The following KPNA7 variants were observed in gnomAD, a reference collection of about 807,000 sequenced individuals.
The protein encoded by KPNA7 is karyopherin subunit alpha 7.
Under a neutral mutation model 53.7 loss-of-function variants are expected in KPNA7, and 54 were observed. That is an observed-to-expected ratio of 1.01 (90% CI 0.81 to 1.26). The LOEUF (loss-of-function observed/expected upper bound fraction) is 1.26, where lower values mean the gene tolerates loss of function less well. Ranked by LOEUF, KPNA7 falls within the 50% of genes most tolerant of loss-of-function variation. The pLI is 0.00. For synonymous variants in KPNA7, 276 were observed against 259.3 expected (o/e 1.06, Z -0.62); for missense variants, 640 against 644.5 (o/e 0.99, Z 0.07).
At chr7:99,205,300 A>ACCTGTAGTCCCAGCT (rs1790741466) in intron 2 of KPNA7, among the ~76,000 whole-genome samples, 1 of 137,566 alleles carries the variant, frequency 7.3e-6, no homozygotes, top group South Asian at 2.5e-4. Flanking sequence ...GGTGGTACAC[A>ACCTGTAGTCCCAGCT]CCATGGTAGG....
At chr7:99,213,429 T>TA (rs1362791839) in intron 1 of KPNA7, among the ~76,000 whole-genome samples, 2 of 85,498 alleles carry the variant, frequency 2.3e-5, no homozygotes, top group Non-Finnish European at 4.5e-5. Context: ...ACCTGGCCTT[T>TA]TAAAAAAAAA....
the KPNA7 span, among the ~76,000 whole-genome samples, chr7:99,147,787 A>T: frequency 1.1e-5 from 1 of 94,932 alleles, no homozygotes; most frequent in African/African-American, 4.1e-5. Flanking sequence ...GCAAGACTCT[A>T]TCTCAAAAAA....
the KPNA7 span, among the ~76,000 whole-genome samples, chr7:99,157,410 T>C: frequency 6.6e-6 from 1 of 152,146 alleles, no homozygotes; most frequent in African/African-American, 2.4e-5. Context: ...GGTTTCTCCA[T>C]GTTAGTCAGG....
At chr7:99,195,005 A>G in intron 5 of KPNA7, 65 bp downstream of exon 5, 1 of 1,501,762 alleles carries the variant, frequency 6.7e-7, no homozygotes, top group Middle Eastern at 1.7e-4. Flanking sequence ...CACCACCCAA[A>G]GAAACCTTAT....
chr7:99,211,374 A>G (rs1381810049), upstream of KPNA7, among the ~76,000 whole-genome samples: 1 of 152,220 alleles, frequency 6.6e-6, no homozygotes, highest in Non-Finnish European at 1.5e-5. Flanking sequence ...GTGAGCCTAG[A>G]TCAAGCCACT....
At chr7:99,194,904 C>A (rs894650787) in intron 5 of KPNA7, among the ~76,000 whole-genome samples, 166 bp downstream of exon 5, 3 of 152,126 alleles carry the variant, frequency 2.0e-5, no homozygotes, top group African/African-American at 7.2e-5. Context: ...CGTGCCTGGC[C>A]TGGCTTTGAG....
chr7:99,153,720 G>A, the KPNA7 span, among the ~76,000 whole-genome samples: 4 of 151,720 alleles, frequency 2.6e-5, no homozygotes, highest in Admixed American at 2.6e-4. Context: ...TGTAATCCCA[G>A]CACTTTATGG....
intron 7 of KPNA7, 100 bp downstream of exon 7, chr7:99,188,200 C>CAAAAAAAAAAAA (rs1789728354): frequency 4.0e-6 from 2 of 493,842 alleles, no homozygotes; most frequent in African/African-American, 6.1e-5. Context: ...AAAAAAAAAG[C>CAAAAAAAAAAAA]AAAGACCAGG....
the KPNA7 span, among the ~76,000 whole-genome samples, chr7:99,149,944 ACG>A: frequency 1.3e-5 from 2 of 152,018 alleles, no homozygotes; most frequent in East Asian, 3.9e-4. Context: ...GACTGCAGGC[ACG>A]TGCCACCATG....
At chr7:99,190,642 T>G (rs1789898109) in intron 6 of KPNA7, among the ~76,000 whole-genome samples, 1 of 151,382 alleles carries the variant, frequency 6.6e-6, no homozygotes, top group Non-Finnish European at 1.5e-5. Flanking sequence ...TGTGGCTGCA[T>G]GCCAGTAAAA....
chr7:99,164,419 A>T, the KPNA7 span, among the ~76,000 whole-genome samples: 1 of 152,036 alleles, frequency 6.6e-6, no homozygotes, highest in Non-Finnish European at 1.5e-5. Context: ...GTTCTCACTC[A>T]TAGGTGGGAA....
Position 99,173,702 on chromosome 7 carries a change from G to C in KPNA7, c.*6C>G. ...GGGTTGTTGGTTTAGGAGGTAGGGAGCTTGGCTATTTTTTTGCTAAGCATT... is the reference window on the plus strand; with the variant it reads ...GGGTTGTTGGTTTAGGAGGTAGGGACCTTGGCTATTTTTTTGCTAAGCATT... On this transcript the variant is annotated 3_prime_UTR_variant, in exon 11 of 11. Coordinates refer to ENST00000327442, the MANE Select transcript of KPNA7 (RefSeq NM_001145715.3). 1 of 1,539,968 alleles carries C rather than the reference G, an allele frequency of 6.5e-7. No homozygotes were observed. The highest frequency in any genetic ancestry group is 1.2e-5 in the South Asian group (1 of 83,608).
intron 1 of KPNA7, among the ~76,000 whole-genome samples, chr7:99,215,201 G>A (rs1013095774): frequency 4.6e-5 from 7 of 151,508 alleles, no homozygotes; most frequent in African/African-American, 9.7e-5. Flanking sequence ...GTGAAACCCC[G>A]TCTCTACTAA....
intron 10 of KPNA7, among the ~76,000 whole-genome samples, chr7:99,175,723 A>G (rs138432789): frequency 0.023 from 3,473 of 151,824 alleles, 135 homozygotes; most frequent in African/African-American, 0.08. Context: ...CATGTTGGCC[A>G]GGCTGGTCTT....
chr7:99,169,900 G>A (rs908383397), downstream of KPNA7, among the ~76,000 whole-genome samples: 1 of 152,068 alleles, frequency 6.6e-6, no homozygotes, highest in Non-Finnish European at 1.5e-5. Context: ...AATTAGCCGG[G>A]CATGGTGGCT....
chr7:99,175,776 T>C (rs904857713), intron 10 of KPNA7, among the ~76,000 whole-genome samples: 4 of 152,106 alleles, frequency 2.6e-5, no homozygotes, highest in Non-Finnish European at 5.9e-5. Flanking sequence ...CCTCCCAAAG[T>C]GCTGAGATTA....
At chr7:99,149,780 G>T in the KPNA7 span, among the ~76,000 whole-genome samples, 13 of 152,186 alleles carry the variant, frequency 8.5e-5, no homozygotes, top group South Asian at 4.2e-4. Flanking sequence ...GCATCAAGTT[G>T]TTTTTTGTTG....
chr7:99,206,455 C>A (rs555728331), intron 2 of KPNA7, among the ~76,000 whole-genome samples: 1 of 151,876 alleles, frequency 6.6e-6, no homozygotes, highest in South Asian at 2.1e-4. Context: ...TCATGCCCAG[C>A]CCAGCCTGGT....
intron 10 of KPNA7, among the ~76,000 whole-genome samples, chr7:99,175,984 T>C (rs1478334437): frequency 1.3e-5 from 2 of 152,120 alleles, no homozygotes; most frequent in Non-Finnish European, 2.9e-5. Flanking sequence ...ATGAAATAAA[T>C]GTGAGGTTGC....
Sources: gnomAD v4.1 joint callset for allele counts (sites outside exome capture counted in the v4.1 genomes callset) on GRCh38, gnomAD v4.1.1 for gene constraint, MANE v1.5 for transcripts, NCBI Gene and HGNC (gene_info 2026-07-23, HGNC 2026-07-21) for gene names.